The following FAM193A variants were observed in gnomAD, a reference collection of about 807,000 sequenced individuals.
FAM193A encodes the protein family with sequence similarity 193 member A.
FAM193A carries 22 observed loss-of-function variants against 126.5 expected under a neutral mutation model. The ratio of observed to expected loss-of-function variants is 0.17; its 90% confidence interval spans 0.12 to 0.25. The LOEUF (loss-of-function observed/expected upper bound fraction) is 0.25. Ranked by LOEUF, FAM193A falls within the 10% of genes least tolerant of loss-of-function variation. The pLI is 1.00. For missense variants in FAM193A, 1,675 were observed against 1,672.8 expected (o/e 1.00, Z -0.02); for synonymous variants, 761 against 646.8 (o/e 1.18, Z -2.68).
At chr4:2,611,376 C>T (rs140782804) in intron 2 of FAM193A, among the ~76,000 whole-genome samples, 1 of 152,124 alleles carries the variant, frequency 6.6e-6, no homozygotes, top group African/African-American at 2.4e-5. Flanking sequence ...TCAAGCAGTT[C>T]TCTTGTCTCA....
intron 1 of FAM193A, among the ~76,000 whole-genome samples, chr4:2,568,257 C>A (rs1277638756): frequency 6.6e-6 from 1 of 152,048 alleles, no homozygotes; most frequent in Non-Finnish European, 1.5e-5. Context: ...TTATTGAATG[C>A]AGAACAATTT....
chr4:2,568,755 T>C (rs1237951390), intron 1 of FAM193A, among the ~76,000 whole-genome samples: 3 of 152,198 alleles, frequency 2.0e-5, no homozygotes, highest in Non-Finnish European at 4.4e-5. Context: ...TAAATCTTAG[T>C]AACGATTGCT....
At chr4:2,716,680 ATTTAT>A (rs1719570250) in intron 20 of FAM193A, among the ~76,000 whole-genome samples, 1 of 152,086 alleles carries the variant, frequency 6.6e-6, no homozygotes, top group Admixed American at 6.6e-5. Context: ...ACAAAATTTT[ATTTAT>A]TTTATTTTTA....
intron 3 of FAM193A, 75 bp from the exon 4 acceptor site, chr4:2,626,335 T>C: frequency 1.5e-6 from 1 of 663,144 alleles, no homozygotes; most frequent in East Asian, 2.7e-5. Context: ...TGGGAGGTCC[T>C]CTGAGGACAG....
chr4:2,600,475 G>T (rs1741132983), intron 2 of FAM193A, among the ~76,000 whole-genome samples: 1 of 152,144 alleles, frequency 6.6e-6, no homozygotes, highest in South Asian at 2.1e-4. Context: ...CCATGCATGG[G>T]CATCTAGTGC....
chr4:2,605,571 A>C (rs1459474508), intron 2 of FAM193A, among the ~76,000 whole-genome samples: 1 of 152,196 alleles, frequency 6.6e-6, no homozygotes, highest in East Asian at 1.9e-4. Context: ...GTTGTCTATA[A>C]ATAGAAGGAA....
rs543186345 is a variant in FAM193A at position 2,696,191 on chromosome 4, G to A, written c.3277-172G>A. 6 of 559,676 alleles carry A rather than the reference G, an allele frequency of 1.1e-5. No individual in the cohort carries two copies. The South Asian group carries it at 1.5e-4, about 14-fold the overall frequency. The allele number at this position is 559,676 out of a possible 1,614,324, so 34.7% of individuals were successfully genotyped here. On this transcript the variant is annotated intron_variant, in intron 17 of 20. Coordinates refer to ENST00000637812, the MANE Select transcript of FAM193A (RefSeq NM_001366318.2). ...GTAGGTATCAAAATGCCACTTTTGG[G>A]TGACTTGCTGATAGGTTTTTCTCTT...
chr4:2,631,279 C>G (rs1743555444), intron 5 of FAM193A, 110 bp downstream of exon 5: 6 of 930,294 alleles, frequency 6.4e-6, no homozygotes, highest in Non-Finnish European at 9.7e-6. Context: ...CACCCCCACA[C>G]ACTGTGATAG....
chr4:2,720,794 A>G (rs1037272089), intron 20 of FAM193A, among the ~76,000 whole-genome samples: 2 of 152,372 alleles, frequency 1.3e-5, no homozygotes, highest in African/African-American at 4.8e-5. Flanking sequence ...CTTGTATACA[A>G]AAGACTGAAA....
intron 13 of FAM193A, among the ~76,000 whole-genome samples, chr4:2,688,133 G>A (rs886316709): frequency 3.9e-5 from 6 of 152,142 alleles, no homozygotes; most frequent in African/African-American, 9.7e-5. Flanking sequence ...AGGGAGAACC[G>A]TATGTCTGCC....
intron 18 of FAM193A, among the ~76,000 whole-genome samples, chr4:2,699,266 G>T (rs1233176078): frequency 6.6e-6 from 1 of 152,126 alleles, no homozygotes; most frequent in Admixed American, 6.5e-5. Context: ...GTACTGCCCG[G>T]GCAGTCTGTG....
At chr4:2,551,725 C>T (rs1329412435) in intron 1 of FAM193A, among the ~76,000 whole-genome samples, 1 of 151,642 alleles carries the variant, frequency 6.6e-6, no homozygotes, top group Non-Finnish European at 1.5e-5. Flanking sequence ...TTTGAAGAAC[C>T]AGCTGTTGGT....
chr4:2,716,309 C>G (rs1318151179), intron 20 of FAM193A, among the ~76,000 whole-genome samples: 1 of 152,224 alleles, frequency 6.6e-6, no homozygotes, highest in Non-Finnish European at 1.5e-5. Context: ...ACAATCACTT[C>G]TGCTCCCCCT....
At chr4:2,635,998 G>A (rs561829487) in intron 5 of FAM193A, among the ~76,000 whole-genome samples, 16 of 143,302 alleles carry the variant, frequency 1.1e-4, no homozygotes, top group Admixed American at 4.0e-4. Flanking sequence ...GAAAAAGGAC[G>A]AATTTTTTTT....
chr4:2,564,243 C>T (rs999629144), intron 1 of FAM193A, among the ~76,000 whole-genome samples: 30 of 151,950 alleles, frequency 2.0e-4, no homozygotes, highest in African/African-American at 6.8e-4. Flanking sequence ...ACCAACCTGG[C>T]TAATTTTTTT....
At chr4:2,712,516 C>T (rs1185482593) in intron 19 of FAM193A, among the ~76,000 whole-genome samples, 2 of 152,164 alleles carry the variant, frequency 1.3e-5, no homozygotes, top group Admixed American at 6.6e-5. Context: ...TGCTCTCCTT[C>T]GGCCCATTTG....
chr4:2,695,060 G>T lies in FAM193A; in HGVS notation c.3207G>T (p.Ser1069=). The T allele has an allele frequency of 1.2e-6, 2 of 1,609,592 alleles. No homozygotes were observed. Among genetic ancestry groups the T allele is most frequent in the Non-Finnish European group, 1.7e-6 (2 of 1,178,232 alleles). The change falls in exon 17 of 21, where the codon TCG becomes TCT. Residue 1069 remains serine, a synonymous_variant. Coordinates refer to ENST00000637812, the MANE Select transcript of FAM193A (RefSeq NM_001366318.2). ...GCTCTGAGCACAGCTCCAGCACCTCGACCTCCACCAACCAGAAGGAGGGCA... is the reference window on the plus strand; with the variant it reads ...GCTCTGAGCACAGCTCCAGCACCTCTACCTCCACCAACCAGAAGGAGGGCA... ...DSCSEHSSST[S]TSTNQKEGKY... is the part of the protein sequence containing the mutation.
chr4:2,642,807 A>T (rs1463610983), intron 6 of FAM193A, among the ~76,000 whole-genome samples: 1 of 147,730 alleles, frequency 6.8e-6, no homozygotes, highest in East Asian at 2.0e-4. Context: ...ATCTTGGCTC[A>T]CTGCAAGCTC....
At chr4:2,568,822 C>A (rs549455870) in intron 1 of FAM193A, among the ~76,000 whole-genome samples, 3 of 152,106 alleles carry the variant, frequency 2.0e-5, no homozygotes, top group Non-Finnish European at 4.4e-5. Context: ...ACTTCTGATT[C>A]TAGATTATAG....
Sources: allele counts gnomAD v4.1 joint callset (sites outside exome capture counted in the v4.1 genomes callset), GRCh38; gene constraint gnomAD v4.1.1; transcripts MANE v1.5; gene names NCBI Gene and HGNC (gene_info 2026-07-23, HGNC 2026-07-21).